Variants in ANKS1B observed in about 807,000 individuals in gnomAD.
ANKS1B encodes ankyrin repeat and sterile alpha motif domain containing 1B.
In ANKS1B, 36 loss-of-function variants were observed where a neutral mutation model predicts 148.3. The ratio of observed to expected loss-of-function variants is 0.24; its 90% CI spans 0.19 to 0.32. ANKS1B has a LOEUF of 0.32. ANKS1B is among the 10% of genes least tolerant of loss of function. The pLI is 1.00. For missense variants in ANKS1B, 1,157 were observed against 1,542.6 expected (o/e 0.75, Z 4.19); for synonymous variants, 542 against 560.8 (o/e 0.97, Z 0.47).
chr12:99,077,202 G>T (rs936036216), intron 16 of ANKS1B, among the ~76,000 whole-genome samples: 5 of 152,088 alleles, frequency 3.3e-5, no homozygotes, highest in African/African-American at 1.2e-4. Context: ...ACTGGGTCCC[G>T]TCATGTATTT....
intron 10 of ANKS1B, among the ~76,000 whole-genome samples, chr12:99,491,391 T>A (rs112923385): frequency 3.3e-5 from 5 of 152,320 alleles, no homozygotes; most frequent in African/African-American, 1.2e-4. Context: ...GCCTCTTTTT[T>A]AATTTTTATT....
At chr12:99,548,348 C>T (rs2097189221) in intron 9 of ANKS1B, among the ~76,000 whole-genome samples, 1 of 149,812 alleles carries the variant, frequency 6.7e-6, no homozygotes, top group South Asian at 2.1e-4. Context: ...TTCCCTTTTC[C>T]TGTTAACTGT....
At chr12:99,207,491 G>C (rs571323706) in intron 14 of ANKS1B, among the ~76,000 whole-genome samples, 66 of 152,140 alleles carry the variant, frequency 4.3e-4, no homozygotes, top group African/African-American at 1.6e-3. Context: ...TCATATAGAA[G>C]AGCTCAACAT....
At chr12:99,395,262 T>C (rs1042679597) in intron 12 of ANKS1B, among the ~76,000 whole-genome samples, 1 of 152,278 alleles carries the variant, frequency 6.6e-6, no homozygotes, top group Middle Eastern at 3.4e-3. Context: ...AGAAGTTAGA[T>C]CATGTGACTT....
chr12:99,245,047 A>G (rs1362652222), intron 13 of ANKS1B, among the ~76,000 whole-genome samples: 1 of 151,942 alleles, frequency 6.6e-6, no homozygotes, highest in Non-Finnish European at 1.5e-5. Context: ...TAGAGATGTG[A>G]TTTTGCCATG....
intron 17 of ANKS1B, among the ~76,000 whole-genome samples, chr12:98,955,787 A>G (rs1286453677): frequency 6.6e-6 from 1 of 152,196 alleles, no homozygotes; most frequent in African/African-American, 2.4e-5. Context: ...TTTTTAGGGA[A>G]GATTAGGAAC....
intron 4 of ANKS1B, among the ~76,000 whole-genome samples, chr12:99,783,810 CT>C (rs1380120562): frequency 4.6e-5 from 7 of 151,906 alleles, no homozygotes; most frequent in Admixed American, 6.6e-5. Context: ...TTCTAGTATT[CT>C]TTAGTAGGGT....
intron 1 of ANKS1B, among the ~76,000 whole-genome samples, chr12:99,875,631 A>T (rs2091975406): frequency 6.6e-6 from 1 of 152,260 alleles, no homozygotes; most frequent in African/African-American, 2.4e-5. Flanking sequence ...ATTACATAAT[A>T]GCTGACACAG....
At chr12:99,816,483 T>C (rs1273818218) in intron 2 of ANKS1B, among the ~76,000 whole-genome samples, 1 of 151,832 alleles carries the variant, frequency 6.6e-6, no homozygotes, top group African/African-American at 2.4e-5. Context: ...TTTGGTTTAA[T>C]TAGGTCCCAT....
rs141333401 is a variant in ANKS1B at position 99,185,587 on chromosome 12, T to C, written c.2420-31192A>G. 7.9e-3 allele frequency among the ~76,000 whole-genome samples: 1,197 copies of C among 152,156 alleles called. 19 individuals carry two copies. Among genetic ancestry groups the C allele is most frequent in the African/African-American group, 0.028 (1,149 of 41,528 alleles). ...ACGGTTAGACAGTGGGTGCAGCCCA[T>C]GGAGGGCGAGTAGAAGCAGTGTGAG... On this transcript the variant is annotated intron_variant, in intron 14 of 26. Coordinates refer to ENST00000683438, the MANE Select transcript of ANKS1B (RefSeq NM_001352186.2).
At chr12:99,947,612 A>C (rs1366928098) in intron 1 of ANKS1B, among the ~76,000 whole-genome samples, 2 of 152,210 alleles carry the variant, frequency 1.3e-5, no homozygotes, top group Admixed American at 1.3e-4. Flanking sequence ...CTGTTGCCAC[A>C]AAACAAATTA....
intron 8 of ANKS1B, among the ~76,000 whole-genome samples, chr12:99,702,965 G>A (rs1201009120): frequency 6.6e-6 from 1 of 151,778 alleles, no homozygotes; most frequent in Non-Finnish European, 1.5e-5. Flanking sequence ...TGAAAGACAG[G>A]GTCTAATTTC....
chr12:99,002,286 A>G (rs1392605342), intron 17 of ANKS1B, among the ~76,000 whole-genome samples: 1 of 152,184 alleles, frequency 6.6e-6, no homozygotes, highest in Non-Finnish European at 1.5e-5. Context: ...CAAGGGTTCC[A>G]ATGTCTCCAC....
intron 17 of ANKS1B, among the ~76,000 whole-genome samples, chr12:98,906,576 G>T (rs527995521): frequency 6.6e-6 from 1 of 152,200 alleles, no homozygotes; most frequent in Non-Finnish European, 1.5e-5. Context: ...GAAGGGCAAG[G>T]ATGTTCCCTG....
chr12:99,212,163 G>T (rs1261619608), intron 14 of ANKS1B, among the ~76,000 whole-genome samples: 2 of 152,178 alleles, frequency 1.3e-5, no homozygotes, highest in Non-Finnish European at 2.9e-5. Flanking sequence ...CCCAAACACT[G>T]CTCAGATGGT....
intron 17 of ANKS1B, among the ~76,000 whole-genome samples, chr12:98,919,040 A>G (rs185563343): frequency 3.9e-5 from 6 of 152,118 alleles, no homozygotes; most frequent in Non-Finnish European, 7.4e-5. Context: ...GAAGTTTTAT[A>G]TTTTTCAATA....
intron 9 of ANKS1B, among the ~76,000 whole-genome samples, chr12:99,545,665 C>T (rs2097165957): frequency 6.6e-6 from 1 of 151,618 alleles, no homozygotes; most frequent in Non-Finnish European, 1.5e-5. Flanking sequence ...GAAGCCCTTC[C>T]ATTTCAATCA....
intron 12 of ANKS1B, among the ~76,000 whole-genome samples, chr12:99,317,294 C>T (rs2084314217): frequency 2.6e-5 from 4 of 152,184 alleles, no homozygotes; most frequent in Admixed American, 2.6e-4. Context: ...TTCTTCCTAT[C>T]TGTGAGCATG....
intron 1 of ANKS1B, among the ~76,000 whole-genome samples, chr12:99,913,785 A>G (rs2094083959): frequency 6.6e-6 from 1 of 152,142 alleles, no homozygotes; most frequent in Non-Finnish European, 1.5e-5. Context: ...CAAATGGATT[A>G]GGAGAACTCA....
Sources: gnomAD v4.1 joint callset for allele counts (sites outside exome capture counted in the v4.1 genomes callset) on GRCh38, gnomAD v4.1.1 for gene constraint, MANE v1.5 for transcripts, NCBI Gene and HGNC (gene_info 2026-07-23, HGNC 2026-07-21) for gene names.